DOP1B: variants seen among roughly 807,000 people sequenced by gnomAD.
DOP1B encodes protein DOP1B.
A neutral mutation model predicts 233.5 loss-of-function variants in DOP1B; 174 were observed. The ratio of observed to expected loss-of-function variants is 0.75; its 90% confidence interval spans 0.66 to 0.85. DOP1B has a LOEUF of 0.85. DOP1B is among the 40% of genes least tolerant of loss of function. The probability of loss-of-function intolerance (pLI) is 0.00; values close to 1 mark genes in which losing one functional copy is unlikely to be tolerated. For missense variants in DOP1B, 2,652 were observed against 2,846.6 expected (o/e 0.93, Z 1.56); for synonymous variants, 1,190 against 1,185.6 (o/e 1.00, Z -0.08).
At chr21:36,165,064 A>C (rs368071389) in intron 2 of DOP1B, among the ~76,000 whole-genome samples, 193 bp downstream of exon 2, 1 of 152,146 alleles carries the variant, frequency 6.6e-6, no homozygotes, top group East Asian at 1.9e-4. Flanking sequence ...ATAATTAGAA[A>C]ATATAGAAAA....
chr21:36,287,572 T>C (rs1310519483), intron 32 of DOP1B, among the ~76,000 whole-genome samples: 1 of 140,820 alleles, frequency 7.1e-6, no homozygotes, highest in African/African-American at 2.6e-5. Flanking sequence ...AAGCATCTCC[T>C]AACATTCTTT....
In DOP1B at chr21:36,186,428, G is replaced by A. The variant is rs931033485; in HGVS notation, c.139-12642G>A. Among the ~76,000 whole-genome samples the A allele has an allele frequency of 4.6e-5, 7 of 151,902 alleles. No homozygotes were observed. In the South Asian group the frequency reaches 6.2e-4, roughly 13 times the overall value. The stretch of plus-strand genomic sequence containing the variant: ...ATGCATGTGTAGAGGGTGTGTGTGT[G>A]TATATGTATGGGAAGTATGTATGTA... On this transcript the variant is annotated intron_variant, in intron 2 of 36. Coordinates refer to ENST00000691173, the MANE Select transcript of DOP1B (RefSeq NM_001320714.2).
intron 15 of DOP1B, among the ~76,000 whole-genome samples, chr21:36,234,730 G>A (rs1228206791): frequency 2.0e-5 from 3 of 151,930 alleles, no homozygotes; most frequent in East Asian, 1.9e-4. Flanking sequence ...TAGTAGAGAC[G>A]GGGTTTTACC....
chr21:36,182,552 G>A (rs1245779053), intron 2 of DOP1B, among the ~76,000 whole-genome samples: 4 of 152,152 alleles, frequency 2.6e-5, no homozygotes, highest in Non-Finnish European at 5.9e-5. Context: ...TCAATTCACT[G>A]GCAGGGCGTG....
intron 4 of DOP1B, among the ~76,000 whole-genome samples, chr21:36,206,931 AT>A (rs2066432429): frequency 6.6e-6 from 1 of 152,158 alleles, no homozygotes; most frequent in African/African-American, 2.4e-5. Flanking sequence ...ATTTCCTGCA[AT>A]ATTTTACAGG....
chr21:36,231,348 G>C (rs937410019), intron 14 of DOP1B, among the ~76,000 whole-genome samples: 1 of 152,124 alleles, frequency 6.6e-6, no homozygotes, highest in Non-Finnish European at 1.5e-5. Context: ...TGTTTCCTTC[G>C]AGCATCATGT....
chr21:36,223,393 A>G (rs2066648474), intron 11 of DOP1B, 43 bp downstream of exon 11: 1 of 1,586,100 alleles, frequency 6.3e-7, no homozygotes, highest in Non-Finnish European at 8.5e-7. Flanking sequence ...AGGAAGGATG[A>G]GAGGGTTTAA....
At chr21:36,207,007 T>C (rs1354174434) in intron 4 of DOP1B, among the ~76,000 whole-genome samples, 1 of 152,188 alleles carries the variant, frequency 6.6e-6, no homozygotes, top group African/African-American at 2.4e-5. Context: ...TAGATATTTT[T>C]GAAGGAAATA....
At chr21:36,258,432 A>G (rs2067132582) in intron 23 of DOP1B, among the ~76,000 whole-genome samples, 1 of 151,202 alleles carries the variant, frequency 6.6e-6, no homozygotes, top group South Asian at 2.1e-4. Flanking sequence ...TTTTTTTCAC[A>G]TCAGACAATG....
chr21:36,200,536 C>T (rs774155385), intron 4 of DOP1B, 35 bp downstream of exon 4: 18 of 1,567,578 alleles, frequency 1.1e-5, no homozygotes, highest in Admixed American at 7.6e-5. Context: ...GTGTTTACTC[C>T]ACTGCTTTAT....
Position 36,254,874 on chromosome 21 carries a change from G to C in DOP1B, c.5259+965G>C, listed in dbSNP as rs145567367. ...TGGACAGAATCATTTGTCAAGCAGA[G>C]GGCTCAGAGGAGCCTAGCTAGAATC... is the stretch of plus-strand genomic sequence containing the variant. On this transcript the variant is annotated intron_variant, in intron 23 of 36. Transcript: ENST00000691173. Among the ~76,000 whole-genome samples, 403 of 152,126 alleles carry C rather than the reference G, an allele frequency of 2.6e-3. 2 individuals are homozygous for C. The highest frequency in any genetic ancestry group is 9.1e-3 in the African/African-American group (377 of 41,496).
intron 2 of DOP1B, among the ~76,000 whole-genome samples, chr21:36,184,380 C>T (rs1374259895): frequency 5.3e-5 from 8 of 151,972 alleles, no homozygotes; most frequent in African/African-American, 9.7e-5. Flanking sequence ...AGGCGGGTTT[C>T]GCTATGTTGC....
intron 2 of DOP1B, among the ~76,000 whole-genome samples, chr21:36,166,826 C>T (rs140992285): frequency 3.3e-5 from 5 of 152,308 alleles, no homozygotes; most frequent in Non-Finnish European, 7.3e-5. Flanking sequence ...CTATCAGGCA[C>T]GCTGCAGATG....
chr21:36,192,980 G>T (rs890156197), intron 2 of DOP1B, among the ~76,000 whole-genome samples: 1 of 152,108 alleles, frequency 6.6e-6, no homozygotes, highest in Non-Finnish European at 1.5e-5. Context: ...GAGCCACCAT[G>T]CCCGGCCCCA....
rs113948206 is a variant in DOP1B at position 36,246,057 on chromosome 21, G to A, written c.4077G>A (p.Leu1359=). The A allele has an allele frequency of 1.2e-6, 2 of 1,613,928 alleles. No individual in the cohort carries two copies. Among genetic ancestry groups the A allele is most frequent in the Non-Finnish European group, 1.7e-6 (2 of 1,180,020 alleles). ...VEVLIRIMMQ[L]VSVAKSSEGK... Reference sequence around the variant, plus strand: ...TTTTGATCAGGATAATGATGCAGCTGGTCTCAGTGGCCAAGTCTTCGGAAG... The same window carrying A: ...TTTTGATCAGGATAATGATGCAGCTAGTCTCAGTGGCCAAGTCTTCGGAAG... Residue 1359 remains leucine (L), a synonymous_variant, in exon 19 of 37, where the codon CTG becomes CTA. Coordinates refer to ENST00000691173, the MANE Select transcript of DOP1B (RefSeq NM_001320714.2). This position sits in a 1 kb window ranked among gnomAD's most constrained non-coding sequence, Gnocchi z 5.1.
intron 14 of DOP1B, 149 bp downstream of exon 14, chr21:36,231,283 CT>C: frequency 1.9e-6 from 2 of 1,041,394 alleles, no homozygotes; most frequent in Non-Finnish European, 2.7e-6. Context: ...TTGCCTTACA[CT>C]TACCGATTCA....
intron 1 of DOP1B, among the ~76,000 whole-genome samples, chr21:36,158,663 C>T (rs1038889746): frequency 6.6e-6 from 1 of 151,668 alleles, no homozygotes; most frequent in South Asian, 2.1e-4. Context: ...ATTAGTTGGG[C>T]GTGGTGGCAT....
intron 9 of DOP1B, among the ~76,000 whole-genome samples, chr21:36,218,404 T>A (rs2066585052): frequency 6.6e-6 from 1 of 152,076 alleles, no homozygotes; most frequent in Non-Finnish European, 1.5e-5. Flanking sequence ...ACACCTGTAA[T>A]CCCAGCTGCT....
At chr21:36,289,010 G>A (rs1329773285) in intron 34 of DOP1B, 35 bp from the exon 35 acceptor site, 1 of 1,605,880 alleles carries the variant, frequency 6.2e-7, no homozygotes, top group African/African-American at 1.3e-5. Context: ...AGATCTGAAT[G>A]AATTTATAAC....
Sources: gnomAD v4.1 joint callset for allele counts (sites outside exome capture counted in the v4.1 genomes callset) on GRCh38, gnomAD v4.1.1 for gene constraint, Gnocchi (gnomAD v3.1) non-coding constraint, MANE v1.5 for transcripts, NCBI Gene and HGNC (gene_info 2026-07-23, HGNC 2026-07-21) for gene names.